The following DNAH5 variants were observed in gnomAD, a reference collection of about 807,000 sequenced individuals.
The protein encoded by DNAH5 is dynein axonemal heavy chain 5.
Under a neutral mutation model 518.2 loss-of-function variants are expected in DNAH5, and 372 were observed. That is an observed-to-expected ratio of 0.72 (90% CI 0.66 to 0.78). The LOEUF is 0.78. Ranked by LOEUF, DNAH5 falls within the 30% of genes least tolerant of loss-of-function variation. The probability of loss-of-function intolerance (pLI) is 0.00; values close to 1 mark genes in which losing one functional copy is unlikely to be tolerated. For synonymous variants in DNAH5, 2,039 were observed against 2,025.9 expected (o/e 1.01, Z -0.17); for missense variants, 5,523 against 5,687.0 (o/e 0.97, Z 0.93).
chr5:13,714,323 T>G lies in DNAH5; in HGVS notation c.13125+82A>C, dbSNP rs1196034847. On this transcript the variant is annotated intron_variant, in intron 75 of 78. Transcript: ENST00000265104. ...TTTTAATTTCAGGAAAATCATTTTT[T>G]GCCCTCCTTTCTTCTTCCTCACTCT... 2.2e-6 allele frequency: 3 copies of G among 1,353,808 alleles called. No homozygotes were observed. The African/African-American group carries it at 4.3e-5, about 19-fold the overall frequency. The allele number at this position is 1,353,808 out of a possible 1,614,324, so 83.9% of individuals were successfully genotyped here.
intron 1 of DNAH5, among the ~76,000 whole-genome samples, chr5:13,994,091 C>T (rs1353120417): frequency 3.3e-5 from 5 of 152,168 alleles, no homozygotes; most frequent in African/African-American, 9.7e-5. Flanking sequence ...ACTCCTGCCC[C>T]GCACGCATCC....
At chr5:13,777,572 C>T (rs1230752698) in intron 53 of DNAH5, among the ~76,000 whole-genome samples, 3 of 152,120 alleles carry the variant, frequency 2.0e-5, no homozygotes, top group African/African-American at 7.2e-5. Flanking sequence ...AAAAACTATA[C>T]TGAAAAGTCA....
intron 12 of DNAH5, 96 bp downstream of exon 12, chr5:13,911,290 A>G: frequency 1.1e-6 from 1 of 923,250 alleles, no homozygotes; most frequent in Non-Finnish European, 1.8e-6. Flanking sequence ...TGATGAAGAT[A>G]CCTCTGCCTT....
At chr5:14,011,256 C>T (rs1785097459) in intron 1 of DNAH5, among the ~76,000 whole-genome samples, 1 of 152,186 alleles carries the variant, frequency 6.6e-6, no homozygotes, top group Non-Finnish European at 1.5e-5. Flanking sequence ...ACCTTCGCCA[C>T]ACCTGGATAT....
chr5:13,889,262 G>A (rs1772853644), intron 17 of DNAH5, among the ~76,000 whole-genome samples: 2 of 152,094 alleles, frequency 1.3e-5, no homozygotes, highest in African/African-American at 4.8e-5. Flanking sequence ...AACCATGGAG[G>A]CAAGTGATTT....
rs372535687 is a variant in DNAH5 at position 13,969,448 on chromosome 5, AT to A, written c.13-38205del. Among the ~76,000 whole-genome samples, 48 of 152,250 alleles carry A rather than the reference AT, an allele frequency of 3.2e-4. No individual in the cohort carries two copies. The East Asian group carries it at 7.3e-3, about 23-fold the overall frequency. On this transcript the variant is annotated intron_variant, in intron 1 of 78. Coordinates refer to the DNAH5 transcript ENST00000681290. Reference sequence around the variant, plus strand: ...CTCTCTCAGACCTTCTGCTGTGGGCATTCAATGCTAGGAACTTTCCTTTTGG... The same window carrying A: ...CTCTCTCAGACCTTCTGCTGTGGGCATCAATGCTAGGAACTTTCCTTTTGG...
chr5:13,700,608 C>T (rs1485661193), intron 78 of DNAH5, 32 bp downstream of exon 78: 8 of 1,573,430 alleles, frequency 5.1e-6, no homozygotes, highest in Non-Finnish European at 6.1e-6. Context: ...ACGAACAATG[C>T]GAGCCCTTAC....
chr5:13,826,373 T>A (rs542768792), intron 38 of DNAH5, among the ~76,000 whole-genome samples: 2 of 152,294 alleles, frequency 1.3e-5, no homozygotes, highest in African/African-American at 4.8e-5. Context: ...GTGATATGGT[T>A]TGGCTGTGTC....
intron 11 of DNAH5, among the ~76,000 whole-genome samples, chr5:13,912,176 C>A (rs564069744): frequency 6.6e-6 from 1 of 152,048 alleles, no homozygotes; most frequent in South Asian, 2.1e-4. Context: ...AGGTACTAAG[C>A]CATTCTCAAA....
upstream of DNAH5, among the ~76,000 whole-genome samples, chr5:13,947,553 C>G (rs1412217829): frequency 6.6e-6 from 1 of 152,202 alleles, no homozygotes; most frequent in Non-Finnish European, 1.5e-5. Flanking sequence ...AGAGTTATGA[C>G]TACCATTTAT....
intron 19 of DNAH5, among the ~76,000 whole-genome samples, chr5:13,883,632 A>G (rs984178988): frequency 2.0e-5 from 3 of 152,364 alleles, no homozygotes; most frequent in African/African-American, 7.2e-5. Context: ...AAGGTTGAAC[A>G]TAGGTATAGG....
intron 1 of DNAH5, among the ~76,000 whole-genome samples, chr5:14,006,442 T>C (rs1784730002): frequency 6.6e-6 from 1 of 152,114 alleles, no homozygotes; most frequent in South Asian, 2.1e-4. Flanking sequence ...TAAGGTTTGG[T>C]TTCTTCTGAC....
chr5:13,969,033 G>A (rs1156380349), intron 1 of DNAH5, among the ~76,000 whole-genome samples: 1 of 151,960 alleles, frequency 6.6e-6, no homozygotes, highest in East Asian at 1.9e-4. Flanking sequence ...ATTTCTTCCT[G>A]GTTTAATCTA....
In DNAH5 at chr5:13,758,915, C is replaced by A. The variant is rs753458031; in HGVS notation, c.10350G>T (p.Glu3450Asp). The change falls in exon 61 of 79, where the codon GAG becomes GAT. Residue 3450 changes from glutamate (E) to aspartate (D), a missense_variant. This residue lies in a region of DNAH5 where 5,121 missense variants were observed against 5,223.3 expected (regional missense o/e 0.98). Transcript: ENST00000265104. Reference protein sequence around the residue: ...AMQDLQKAQAELDDKQAELDV... With the variant: ...AMQDLQKAQADLDDKQAELDV... ...CAAGTTCCGCCTGCTTGTCATCCAA[C>A]TCGGCCTGGGCTTTCTGCAGATCCT... 6.2e-7 allele frequency: 1 copy of A among 1,614,192 alleles called. No individual in the cohort carries two copies. The highest frequency in any genetic ancestry group is 1.1e-5 in the South Asian group (1 of 91,090).
At chr5:13,834,110 C>T (rs963460250) in intron 35 of DNAH5, among the ~76,000 whole-genome samples, 2 of 152,204 alleles carry the variant, frequency 1.3e-5, no homozygotes, top group African/African-American at 4.8e-5. Flanking sequence ...TCACTTCCCA[C>T]ATAATCAAGT....
intron 29 of DNAH5, among the ~76,000 whole-genome samples, 174 bp from the exon 30 acceptor site, chr5:13,859,779 T>C (rs563218903): frequency 6.6e-6 from 1 of 152,302 alleles, no homozygotes; most frequent in East Asian, 1.9e-4. Flanking sequence ...TTACTGTTCA[T>C]TGTTAGTCTA....
intron 38 of DNAH5, among the ~76,000 whole-genome samples, chr5:13,826,054 T>C (rs1262020570): frequency 6.6e-6 from 1 of 152,192 alleles, no homozygotes; most frequent in Admixed American, 6.5e-5. Context: ...AATAAACTTG[T>C]ATAAAAGTAA....
chr5:13,814,700 G>C lies in DNAH5; in HGVS notation c.7135C>G (p.Pro2379Ala). Reference sequence around the variant, plus strand: ...GGAGAAGCATTGTCAATGTTATGAGGCTCGAAAATGATCTTGCAGTTTGGA... The same window carrying C: ...GGAGAAGCATTGTCAATGTTATGAGCCTCGAAAATGATCTTGCAGTTTGGA... The part of the protein sequence containing the change: ...MAPNCKIIFE[P>A]HNIDNASPAT... The change falls in exon 43 of 79, where the codon CCT becomes GCT. Residue 2379 changes from proline to alanine, a missense_variant. Pro to Ala is a conservative substitution (Grantham distance 27, BLOSUM62 -1). This residue lies in a region of DNAH5 where 5,121 missense variants were observed against 5,223.3 expected (regional missense o/e 0.98). Transcript: ENST00000265104. 2 of 1,614,082 alleles carry C rather than the reference G, an allele frequency of 1.2e-6. No homozygotes were observed.
intron 16 of DNAH5, among the ~76,000 whole-genome samples, chr5:13,893,836 G>T (rs1318469471): frequency 4.0e-5 from 6 of 151,784 alleles, no homozygotes; most frequent in African/African-American, 1.2e-4. Context: ...CTATAAGAGT[G>T]GGGAGGACTG....
Sources: gnomAD v4.1 joint callset for allele counts (sites outside exome capture counted in the v4.1 genomes callset) on GRCh38, gnomAD v4.1.1 for gene constraint, gnomAD v4.1.1 regional missense constraint, MANE v1.5 for transcripts, NCBI Gene and HGNC (gene_info 2026-07-23, HGNC 2026-07-21) for gene names.